IL2RB: variants seen among roughly 807,000 people sequenced by gnomAD.
The protein encoded by IL2RB is interleukin 2 receptor subunit beta.
Under a neutral mutation model 44.2 loss-of-function variants are expected in IL2RB, and 17 were observed. The ratio of observed to expected loss-of-function variants is 0.38; its 90% CI spans 0.26 to 0.58. The LOEUF is 0.58. Ranked by LOEUF, IL2RB falls within the 20% of genes least tolerant of loss-of-function variation. The pLI, the probability that IL2RB is intolerant of heterozygous loss-of-function variation, is 0.63. For missense variants in IL2RB, 624 were observed against 685.5 expected (o/e 0.91, Z 1.00); for synonymous variants, 286 against 297.9 (o/e 0.96, Z 0.41).
chr22:37,174,317 G>A (rs1233021147), intron 1 of IL2RB, among the ~76,000 whole-genome samples: 1 of 152,160 alleles, frequency 6.6e-6, no homozygotes, highest in Non-Finnish European at 1.5e-5. Context: ...ACCTTCACTG[G>A]CTACTTTAGA....
At chr22:37,156,166 T>C (rs936706119) in intron 1 of IL2RB, among the ~76,000 whole-genome samples, 5 of 152,092 alleles carry the variant, frequency 3.3e-5, no homozygotes, top group Non-Finnish European at 7.4e-5. Flanking sequence ...CAGCCTCCTG[T>C]TCCCTCTGAA....
In IL2RB at chr22:37,159,199, G is replaced by A. The variant is rs551613351; in HGVS notation, c.-33-14994C>T. Among the ~76,000 whole-genome samples, 10 of 152,244 alleles carry A rather than the reference G, an allele frequency of 6.6e-5. No homozygotes were observed. In the South Asian group the frequency reaches 2.1e-3, roughly 32 times the overall value. ...TGTGATGTTTGAAAAGTGTCTGTGA[G>A]AAGTTCCTCTCTATCAAGAAGTAAC... On this transcript the variant is annotated intron_variant, in intron 1 of 5. Coordinates refer to the IL2RB transcript ENST00000429622.
chr22:37,135,894 C>T (rs1331290645), intron 7 of IL2RB, among the ~76,000 whole-genome samples: 3 of 152,222 alleles, frequency 2.0e-5, no homozygotes, highest in Admixed American at 1.3e-4. Context: ...GCAGCTCTGC[C>T]TCACGGTCAC....
rs73408845 is a variant in IL2RB at position 37,170,851 on chromosome 22, C to A, written c.-34+4107G>T. The stretch of plus-strand genomic sequence containing the variant: ...ATGAAGCAAATCCAAAGAAATCCTG[C>A]AAAATTCTGGGAGCGCCTTTCTGTG... On this transcript the variant is annotated intron_variant, in intron 1 of 5. Transcript: ENST00000429622. Among the ~76,000 whole-genome samples the A allele has an allele frequency of 6.4e-3, 968 of 152,304 alleles. 14 individuals are homozygous for A. The highest frequency in any genetic ancestry group is 0.022 in the African/African-American group (926 of 41,560).
intron 8 of IL2RB, among the ~76,000 whole-genome samples, chr22:37,133,066 C>T (rs1198554604): frequency 2.0e-5 from 3 of 152,178 alleles, no homozygotes; most frequent in African/African-American, 4.8e-5. Flanking sequence ...TTTTGATTTG[C>T]CCAAAGGTTC....
At chr22:37,175,069 G>A (rs1043734970), upstream of IL2RB, 1 of 152,266 alleles carries the variant, frequency 6.6e-6, no homozygotes, top group Non-Finnish European at 1.5e-5. Context: ...AGTGAAGGGG[G>A]AAGGGTCCCT....
At chr22:37,151,143 C>T (rs186614051), upstream of IL2RB, among the ~76,000 whole-genome samples, 312 of 152,256 alleles carry the variant, frequency 2.0e-3, 5 homozygotes, top group African/African-American at 7.3e-3. Context: ...GTTTTGAGGA[C>T]TCTTCAAACT....
upstream of IL2RB, among the ~76,000 whole-genome samples, chr22:37,152,549 A>T (rs1365991309): frequency 6.6e-6 from 1 of 152,166 alleles, no homozygotes; most frequent in Non-Finnish European, 1.5e-5. Flanking sequence ...TCCAATTTGG[A>T]TGCCCTTTAC....
rs145991392 is a variant in IL2RB, at chr22:37,145,226, C to T, written c.-33-1021G>A. Among the ~76,000 whole-genome samples the T allele has an allele frequency of 2.7e-3, 408 of 152,284 alleles. 1 individual carries two copies. Among genetic ancestry groups the T allele is most frequent in the African/African-American group, 9.5e-3 (393 of 41,548 alleles). On this transcript the variant is annotated intron_variant, in intron 1 of 9. Transcript: ENST00000216223. Reference sequence around the variant, plus strand: ...CTGAGGCACAGAGGGCTGCAGTAGCCTTTACGGAGGACCTTGTCCACACTC... The same window carrying T: ...CTGAGGCACAGAGGGCTGCAGTAGCTTTTACGGAGGACCTTGTCCACACTC...
chr22:37,166,820 A>G (rs1248558347), intron 1 of IL2RB: 2 of 152,158 alleles, frequency 1.3e-5, no homozygotes, highest in Non-Finnish European at 2.9e-5. Flanking sequence ...GGGAGTCGCA[A>G]GTGCCCACAG....
chr22:37,161,881 T>A (rs1343095522), intron 1 of IL2RB: 1 of 152,242 alleles, frequency 6.6e-6, no homozygotes, highest in Non-Finnish European at 1.5e-5. Context: ...CTCCAAGACC[T>A]GGAGGCTGGC....
At chr22:37,169,030 A>G (rs1037768196) in intron 1 of IL2RB, among the ~76,000 whole-genome samples, 1 of 151,612 alleles carries the variant, frequency 6.6e-6, no homozygotes. Context: ...TCTTGTTTAC[A>G]GAGGAGTTCT....
upstream of IL2RB, among the ~76,000 whole-genome samples, chr22:37,154,540 TG>T (rs554324455): frequency 2.1e-4 from 32 of 152,008 alleles, 1 homozygote; most frequent in South Asian, 6.2e-3. Flanking sequence ...TATGATCTCC[TG>T]TGTCTCTTAA....
chr22:37,143,939 G>A (rs1422919086), intron 2 of IL2RB, 146 bp downstream of exon 2: 1 of 990,078 alleles, frequency 1.0e-6, no homozygotes, highest in Non-Finnish European at 1.5e-6. Flanking sequence ...ATGCATGCAT[G>A]CCAGGGCAGG....
At position 37,128,512 on chromosome 22, in the gene IL2RB, C is replaced by T. The variant is rs776776861; in HGVS notation, c.1240G>A (p.Glu414Lys). 6.2e-7 allele frequency: 1 copy of T among 1,611,950 alleles called. No homozygotes were observed. Among genetic ancestry groups the T allele is most frequent in the East Asian group, 2.2e-5 (1 of 44,808 alleles). ...SPQPLQPLSGEDDAYCTFPSR... is the reference protein window; with the variant it reads ...SPQPLQPLSGKDDAYCTFPSR... Reference sequence around the variant, plus strand: ...GGGAAGGTGCAGTAGGCGTCGTCCTCCCCTGACAGAGGCTGCAGGGGTTGG... The same window carrying T: ...GGGAAGGTGCAGTAGGCGTCGTCCTTCCCTGACAGAGGCTGCAGGGGTTGG... The change falls in exon 10 of 10, where the codon GAG becomes AAG. Residue 414 changes from glutamate to lysine, a missense_variant. Transcript: ENST00000216223. This position sits in a 1 kb window ranked among gnomAD's most constrained non-coding sequence, Gnocchi z 4.5.
At position 37,128,761 on chromosome 22, in the gene IL2RB, C is replaced by G. The variant is rs2146224422; in HGVS notation, c.991G>C (p.Asp331His). The change falls in exon 10 of 10, where the codon GAC (aspartate) becomes CAC (histidine). Residue 331 changes from aspartate to histidine, a missense_variant. Around this residue, in one of 3 missense-constraint regions of IL2RB, gnomAD observed 291 missense variants for 275.5 expected, o/e 1.06. Coordinates refer to ENST00000216223, the MANE Select transcript of IL2RB (RefSeq NM_000878.5). This position sits in a 1 kb window ranked among gnomAD's most constrained non-coding sequence, Gnocchi z 4.5. ...TGCAGGAGCAGCTGCGTCACCTTGT[C>G]CCTCTCCAGCACTTCTAGTGGCGAG... ...EISPLEVLER[D>H]KVTQLLLQQD... 5 of 1,614,100 alleles carry G rather than the reference C, an allele frequency of 3.1e-6. No homozygotes were observed. The East Asian group carries it at 1.1e-4, about 36-fold the overall frequency.
chr22:37,163,582 A>T (rs1335649028), intron 1 of IL2RB, among the ~76,000 whole-genome samples: 2 of 152,170 alleles, frequency 1.3e-5, no homozygotes, highest in Non-Finnish European at 2.9e-5. Context: ...AGGAATCCAA[A>T]CTGGGCACCT....
At chr22:37,154,023 A>G (rs1922585690), upstream of IL2RB, among the ~76,000 whole-genome samples, 1 of 152,154 alleles carries the variant, frequency 6.6e-6, no homozygotes. Context: ...AGCACCCCAG[A>G]TGCCCCAAAG....
In IL2RB at chr22:37,143,552, A is replaced by G; in HGVS notation, c.172T>C (p.Ser58Pro). The change falls in exon 3 of 10, where the codon TCC becomes CCC. Residue 58 changes from serine to proline, a missense_variant. Transcript: ENST00000216223. Reference sequence around the variant, plus strand: ...TCCGGCCAGGCATGGACTTGGCAGGAAGTGTCCTGCAGAGCCCCATCTTGG... The same window carrying G: ...TCCGGCCAGGCATGGACTTGGCAGGGAGTGTCCTGCAGAGCCCCATCTTGG... Reference protein sequence around the residue: ...WSQDGALQDTSCQVHAWPDRR... With the variant: ...WSQDGALQDTPCQVHAWPDRR... 6.2e-7 allele frequency: 1 copy of G among 1,613,932 alleles called. No homozygotes were observed. Among genetic ancestry groups the G allele is most frequent in the Non-Finnish European group, 8.5e-7 (1 of 1,179,854 alleles).
Sources: allele counts gnomAD v4.1 joint callset (sites outside exome capture counted in the v4.1 genomes callset), GRCh38; gene constraint gnomAD v4.1.1; regional missense constraint gnomAD v4.1.1; non-coding constraint Gnocchi (gnomAD v3.1); transcripts MANE v1.5; gene names NCBI Gene and HGNC (gene_info 2026-07-23, HGNC 2026-07-21).